CACNA2D3: variants seen among roughly 807,000 people sequenced by gnomAD.
The protein encoded by CACNA2D3 is calcium voltage-gated channel auxiliary subunit alpha2delta 3, also known as voltage-dependent calcium channel subunit alpha-2/delta-3.
A neutral mutation model predicts 160.6 loss-of-function variants in CACNA2D3; 60 were observed. The observed-to-expected ratio is 0.37, with a 90% CI of 0.30 to 0.46. The LOEUF (loss-of-function observed/expected upper bound fraction) is 0.46. Among genes scored for constraint, CACNA2D3 ranks in the 20% least tolerant of loss-of-function variants. CACNA2D3 has a pLI of 1.00. For missense variants in CACNA2D3, 1,205 were observed against 1,365.0 expected (o/e 0.88, Z 1.85); for synonymous variants, 558 against 492.9 (o/e 1.13, Z -1.75).
chr3:54,465,326 A>G (rs1302186608), intron 4 of CACNA2D3, among the ~76,000 whole-genome samples: 1 of 152,078 alleles, frequency 6.6e-6, no homozygotes, highest in Non-Finnish European at 1.5e-5. Flanking sequence ...TTTGAATTTG[A>G]GGGACAGAGA....
intron 4 of CACNA2D3, among the ~76,000 whole-genome samples, chr3:54,467,496 A>T (rs533867523): frequency 7.4e-4 from 112 of 152,332 alleles, no homozygotes; most frequent in African/African-American, 2.6e-3. Context: ...CCATTGTGAG[A>T]CTTAGGGCAA....
intron 4 of CACNA2D3, among the ~76,000 whole-genome samples, chr3:54,484,990 G>A (rs1230659593): frequency 6.6e-6 from 1 of 151,860 alleles, no homozygotes; most frequent in Non-Finnish European, 1.5e-5. Flanking sequence ...GGGATTGCAG[G>A]CACCTGCCAC....
intron 3 of CACNA2D3, among the ~76,000 whole-genome samples, chr3:54,329,845 A>G (rs1281458143): frequency 1.3e-5 from 2 of 152,216 alleles, no homozygotes; most frequent in Non-Finnish European, 2.9e-5. Context: ...TTGAATGCAT[A>G]TTTAGTCTAA....
intron 2 of CACNA2D3, among the ~76,000 whole-genome samples, chr3:54,176,597 G>T (rs76449803): frequency 0.024 from 3,641 of 152,298 alleles, 160 homozygotes; most frequent in African/African-American, 0.083. Flanking sequence ...TTTCCCACGT[G>T]AGTCTGTATA....
intron 8 of CACNA2D3, among the ~76,000 whole-genome samples, chr3:54,581,496 C>T (rs1702676785): frequency 1.3e-5 from 2 of 152,166 alleles, no homozygotes; most frequent in Admixed American, 6.5e-5. Context: ...CAGCCATGCC[C>T]AGGGAACTGC....
At chr3:54,447,568 T>A (rs1700242496) in intron 4 of CACNA2D3, among the ~76,000 whole-genome samples, 1 of 152,216 alleles carries the variant, frequency 6.6e-6, no homozygotes, top group East Asian at 1.9e-4. Flanking sequence ...GCAGAGCTTT[T>A]GTTTATTTAG....
At position 54,607,393 on chromosome 3, in the gene CACNA2D3, C is replaced by T. The variant is rs182929019; in HGVS notation, c.964-20394C>T. 2.8e-4 allele frequency among the ~76,000 whole-genome samples: 42 copies of T among 152,230 alleles called. No individual in the cohort carries two copies. In the East Asian group the frequency reaches 7.0e-3, roughly 25 times the overall value. The stretch of plus-strand genomic sequence containing the variant: ...CTAGAGTGCAGTGGTGCCATCTTGG[C>T]TCACTGCAACCTCCACCTCCTGGGT... On this transcript the variant is annotated intron_variant, in intron 9 of 37. Coordinates refer to ENST00000474759, the MANE Select transcript of CACNA2D3 (RefSeq NM_018398.3).
intron 26 of CACNA2D3, among the ~76,000 whole-genome samples, chr3:54,899,519 A>G (rs1009687570): frequency 2.0e-5 from 3 of 152,164 alleles, no homozygotes; most frequent in African/African-American, 7.2e-5. Flanking sequence ...ATGGTGGTCA[A>G]TGGTTTCGAT....
Position 55,007,243 on chromosome 3 carries a change from A to G in CACNA2D3, c.2767-547A>G, listed in dbSNP as rs180770429. Among the ~76,000 whole-genome samples the G allele has an allele frequency of 4.1e-4, 63 of 152,338 alleles. No homozygotes were observed. The East Asian group carries it at 6.9e-3, about 17-fold the overall frequency. ...TCAGCAAGGATAAAATCACATGTTT[A>G]TATGGTTATCATTTTCTTCAAGTCC... On this transcript the variant is annotated intron_variant, in intron 32 of 37. Transcript: ENST00000474759.
At chr3:54,157,539 G>A (rs536767132) in intron 2 of CACNA2D3, among the ~76,000 whole-genome samples, 8 of 152,192 alleles carry the variant, frequency 5.3e-5, no homozygotes, top group South Asian at 2.1e-4. Context: ...GCCTGTAATC[G>A]CAGCACTTTG....
intron 4 of CACNA2D3, among the ~76,000 whole-genome samples, chr3:54,492,288 A>G (rs142142156): frequency 4.1e-4 from 62 of 152,132 alleles, no homozygotes; most frequent in African/African-American, 1.2e-3. Flanking sequence ...CAAAGCCAGG[A>G]CCCTTGTTCT....
intron 11 of CACNA2D3, among the ~76,000 whole-genome samples, chr3:54,726,239 C>T (rs563045721): frequency 2.0e-5 from 3 of 152,198 alleles, no homozygotes; most frequent in South Asian, 4.2e-4. Context: ...GAACTAAAAA[C>T]CAGCGCTCAA....
intron 11 of CACNA2D3, among the ~76,000 whole-genome samples, chr3:54,666,150 T>A (rs898241821): frequency 6.6e-6 from 1 of 152,170 alleles, no homozygotes; most frequent in African/African-American, 2.4e-5. Context: ...AGGGTTTGCC[T>A]CCTAATAATT....
chr3:54,251,691 G>A (rs909022626), intron 2 of CACNA2D3, among the ~76,000 whole-genome samples: 1 of 152,176 alleles, frequency 6.6e-6, no homozygotes, highest in Non-Finnish European at 1.5e-5. Flanking sequence ...CCTAAACAGT[G>A]TTTAGTTCTG....
chr3:54,130,126 G>T (rs906916283), intron 2 of CACNA2D3, among the ~76,000 whole-genome samples: 1 of 152,176 alleles, frequency 6.6e-6, no homozygotes. Flanking sequence ...AAATTATTAA[G>T]AATTCCAGGA....
At chr3:54,839,533 C>T (rs1698774877) in intron 16 of CACNA2D3, among the ~76,000 whole-genome samples, 2 of 152,184 alleles carry the variant, frequency 1.3e-5, no homozygotes, top group African/African-American at 4.8e-5. Context: ...CACATCCACC[C>T]CCTTCTCCCC....
chr3:54,448,106 C>T (rs1265637176), intron 4 of CACNA2D3, among the ~76,000 whole-genome samples: 1 of 152,130 alleles, frequency 6.6e-6, no homozygotes, highest in African/African-American at 2.4e-5. Flanking sequence ...ATAGTTCAGT[C>T]TCGTCTTCCT....
At chr3:54,214,708 G>A (rs1422058570) in intron 2 of CACNA2D3, among the ~76,000 whole-genome samples, 1 of 152,180 alleles carries the variant, frequency 6.6e-6, no homozygotes, top group East Asian at 1.9e-4. Flanking sequence ...GGAAGAGGCA[G>A]CTCTGATATA....
intron 4 of CACNA2D3, among the ~76,000 whole-genome samples, chr3:54,401,876 C>T (rs188194290): frequency 4.6e-5 from 7 of 151,966 alleles, no homozygotes; most frequent in African/African-American, 1.2e-4. Flanking sequence ...CTCTGTAAAT[C>T]GTATATATCT....
Sources: allele counts gnomAD v4.1 joint callset (sites outside exome capture counted in the v4.1 genomes callset), GRCh38; gene constraint gnomAD v4.1.1; transcripts MANE v1.5; gene names NCBI Gene and HGNC (gene_info 2026-07-23, HGNC 2026-07-21).